The following CSMD1 variants were observed in gnomAD, a reference collection of about 807,000 sequenced individuals.
CSMD1 encodes CUB and Sushi multiple domains 1.
CSMD1 carries 213 observed loss-of-function variants against 417.5 expected under a neutral mutation model. The ratio of observed to expected loss-of-function variants is 0.51; its 90% CI spans 0.46 to 0.57. The LOEUF is 0.57. Ranked by LOEUF, CSMD1 falls within the 20% of genes least tolerant of loss-of-function variation. The pLI is 0.00. For missense variants in CSMD1, 6,923 were observed against 4,529.7 expected, an observed-to-expected ratio of 1.53 and a Z score of -15.17; for synonymous variants, 2,862 against 1,736.8, an observed-to-expected ratio of 1.65 and a Z score of -16.11.
At chr8:4,251,687 G>C (rs1012411304) in intron 3 of CSMD1, among the ~76,000 whole-genome samples, 1 of 152,098 alleles carries the variant, frequency 6.6e-6, no homozygotes, top group East Asian at 1.9e-4. Context: ...GGGGAGCAAA[G>C]ACCTTGGACA....
intron 1 of CSMD1, among the ~76,000 whole-genome samples, chr8:4,980,525 C>A (rs1288594113): frequency 2.0e-5 from 3 of 152,158 alleles, no homozygotes; most frequent in African/African-American, 7.2e-5. Context: ...CTGAGCTCTG[C>A]CTTTTGGGTG....
rs77633857 is a variant in CSMD1, at chr8:3,863,379, G to A, written c.819-109337C>T. On this transcript the variant is annotated intron_variant, in intron 5 of 69. Coordinates refer to ENST00000635120, the MANE Select transcript of CSMD1 (RefSeq NM_033225.6). ...CCACTGCACTCTAGCCTAGGCTACA[G>A]CAATGATACTCTGCTCAAAAAAAAA... Among the ~76,000 whole-genome samples the A allele has an allele frequency of 1.0e-4, 14 of 137,518 alleles. No individual in the cohort carries two copies. In the East Asian group the frequency reaches 2.9e-3, roughly 29 times the overall value. 90.2% of individuals were successfully genotyped at this position (137,518 alleles called of 152,430 possible). A position where few individuals can be genotyped will look rare whatever the true frequency, so the allele number is the denominator to read the frequency against.
chr8:4,240,681 C>T (rs936598923), intron 3 of CSMD1, among the ~76,000 whole-genome samples: 1 of 152,170 alleles, frequency 6.6e-6, no homozygotes, highest in Non-Finnish European at 1.5e-5. Flanking sequence ...GCTCCCATCC[C>T]CTAATGTAAA....
chr8:3,647,776 G>T (rs1002391434), intron 7 of CSMD1, among the ~76,000 whole-genome samples: 1 of 152,228 alleles, frequency 6.6e-6, no homozygotes, highest in Non-Finnish European at 1.5e-5. Flanking sequence ...GAAAGAGTGA[G>T]AGAAAGAGAG....
chr8:4,166,930 G>A (rs1013086653), intron 3 of CSMD1, among the ~76,000 whole-genome samples: 7 of 152,178 alleles, frequency 4.6e-5, no homozygotes, highest in South Asian at 2.1e-4. Context: ...GCAGCCAGGT[G>A]GGGTCAGTGG....
intron 3 of CSMD1, among the ~76,000 whole-genome samples, chr8:4,286,213 T>G (rs915889830): frequency 6.6e-6 from 1 of 152,196 alleles, no homozygotes; most frequent in African/African-American, 2.4e-5. Flanking sequence ...GCAAACTCTG[T>G]AATTCCTTCT....
At chr8:3,893,690 AC>A (rs1027993763) in intron 5 of CSMD1, among the ~76,000 whole-genome samples, 3 of 151,766 alleles carry the variant, frequency 2.0e-5, no homozygotes, top group African/African-American at 7.3e-5. Context: ...AAACACAACA[AC>A]CGCAGCAACC....
chr8:4,268,323 G>C (rs903001972), intron 3 of CSMD1, among the ~76,000 whole-genome samples: 2 of 152,074 alleles, frequency 1.3e-5, no homozygotes, highest in African/African-American at 4.8e-5. Flanking sequence ...ATTATGACCT[G>C]AATATTAATT....
chr8:3,598,259 C>G (rs1163922937), intron 8 of CSMD1: 1 of 151,886 alleles, frequency 6.6e-6, no homozygotes, highest in Non-Finnish European at 1.5e-5. Context: ...TGAACTCCAG[C>G]TGTAAACATC....
chr8:4,269,696 A>C (rs1804450956), intron 3 of CSMD1, among the ~76,000 whole-genome samples: 1 of 152,180 alleles, frequency 6.6e-6, no homozygotes, highest in South Asian at 2.1e-4. Flanking sequence ...TTTGCAGTTT[A>C]TCAATTAACC....
At chr8:4,707,652 C>G (rs56345144) in intron 1 of CSMD1, among the ~76,000 whole-genome samples, 4 of 151,634 alleles carry the variant, frequency 2.6e-5, no homozygotes, top group Non-Finnish European at 2.9e-5. Context: ...TTTGGGAGGC[C>G]GAGGCGGGCG....
intron 23 of CSMD1, among the ~76,000 whole-genome samples, chr8:3,311,793 G>C (rs1032067417): frequency 6.6e-6 from 1 of 150,538 alleles, no homozygotes; most frequent in African/African-American, 2.4e-5. Flanking sequence ...TCAATCATAA[G>C]AGATTTTCTT....
chr8:4,978,841 G>C (rs547317459), intron 1 of CSMD1, among the ~76,000 whole-genome samples: 2 of 151,068 alleles, frequency 1.3e-5, no homozygotes, highest in Non-Finnish European at 3.0e-5. Context: ...GGGAGGTTGA[G>C]GCAGGAGAAT....
chr8:3,255,331 G>A (rs767535242), intron 26 of CSMD1, among the ~76,000 whole-genome samples: 7 of 152,192 alleles, frequency 4.6e-5, no homozygotes, highest in Non-Finnish European at 7.3e-5. Flanking sequence ...CCCACTTGAG[G>A]AGGCAGTCTG....
chr8:4,165,327 C>A (rs561417860), intron 3 of CSMD1, among the ~76,000 whole-genome samples: 35 of 152,308 alleles, frequency 2.3e-4, no homozygotes, highest in African/African-American at 8.2e-4. Flanking sequence ...GCTGTAGAAG[C>A]GCAAACACGT....
At chr8:3,974,140 G>A (rs929131832) in intron 5 of CSMD1, among the ~76,000 whole-genome samples, 1 of 152,042 alleles carries the variant, frequency 6.6e-6, no homozygotes, top group Non-Finnish European at 1.5e-5. Context: ...TTTTGTGTGT[G>A]TGTGTCTACA....
intron 61 of CSMD1, among the ~76,000 whole-genome samples, chr8:2,961,719 G>A (rs914793864): frequency 6.6e-6 from 1 of 152,064 alleles, no homozygotes; most frequent in Non-Finnish European, 1.5e-5. Flanking sequence ...ACAGGACTTG[G>A]GTAACCCAGT....
At chr8:4,147,364 T>C (rs1804202075) in intron 3 of CSMD1, among the ~76,000 whole-genome samples, 1 of 152,072 alleles carries the variant, frequency 6.6e-6, no homozygotes, top group African/African-American at 2.4e-5. Flanking sequence ...CCCTCAGTCC[T>C]CAGTGGCTGT....
intron 5 of CSMD1, among the ~76,000 whole-genome samples, chr8:3,855,876 T>C (rs13274005): frequency 0.14 from 21,888 of 152,146 alleles, 1,730 homozygotes; most frequent in African/African-American, 0.21. Context: ...TTTGGAAACA[T>C]TGTCTTATTT....
Sources: gnomAD v4.1 joint callset for allele counts (sites outside exome capture counted in the v4.1 genomes callset) on GRCh38, gnomAD v4.1.1 for gene constraint, MANE v1.5 for transcripts, NCBI Gene and HGNC (gene_info 2026-07-23, HGNC 2026-07-21) for gene names.